The following PHRF1 variants were observed in gnomAD, a reference collection of about 807,000 sequenced individuals.
PHRF1 encodes PHD and ring finger domains 1.
A neutral mutation model predicts 128.9 loss-of-function variants in PHRF1; 53 were observed. The ratio of observed to expected loss-of-function variants is 0.41; its 90% CI spans 0.33 to 0.52. The LOEUF is 0.52. Among genes scored for constraint, PHRF1 ranks in the 20% least tolerant of loss-of-function variants. The pLI, the probability that PHRF1 is intolerant of heterozygous loss-of-function variation, is 0.21. For missense variants in PHRF1, 2,503 were observed against 2,284.5 expected (o/e 1.10, Z -1.95); for synonymous variants, 1,178 against 980.6 (o/e 1.20, Z -3.76).
At chr11:583,460 C>T (rs924873816) in intron 3 of PHRF1, among the ~76,000 whole-genome samples, 2 of 149,940 alleles carry the variant, frequency 1.3e-5, no homozygotes, top group African/African-American at 2.5e-5. Flanking sequence ...GAGGCTACAG[C>T]GAGCTGAGAT....
At chr11:599,530 C>T (rs192961551) in intron 9 of PHRF1, among the ~76,000 whole-genome samples, 20 of 152,150 alleles carry the variant, frequency 1.3e-4, no homozygotes, top group East Asian at 9.7e-4. Flanking sequence ...GGATTACAGG[C>T]CTCTGAGCCA....
intron 6 of PHRF1, among the ~76,000 whole-genome samples, chr11:595,978 G>A (rs182362829): frequency 6.6e-6 from 1 of 152,276 alleles, no homozygotes; most frequent in Non-Finnish European, 1.5e-5. Context: ...TGTCTTTCTT[G>A]TATGGCCCTA....
At chr11:593,023 A>T (rs1393076644) in intron 6 of PHRF1, among the ~76,000 whole-genome samples, 2 of 152,184 alleles carry the variant, frequency 1.3e-5, no homozygotes, top group African/African-American at 4.8e-5. Flanking sequence ...TGCGTCCATC[A>T]TTCTGGCTGC....
intron 14 of PHRF1, 147 bp downstream of exon 14, chr11:609,867 G>T (rs965957843): frequency 5.1e-5 from 31 of 612,328 alleles, no homozygotes; most frequent in Non-Finnish European, 7.6e-5. Context: ...CCTCCGCTGA[G>T]AACAGAGCCC....
intron 1 of PHRF1, among the ~76,000 whole-genome samples, chr11:580,665 G>A (rs541408932): frequency 3.3e-5 from 5 of 152,324 alleles, no homozygotes; most frequent in African/African-American, 1.2e-4. Context: ...CGTTTTGTTC[G>A]TATATGGTGT....
chr11:598,515 G>A lies in PHRF1; in HGVS notation c.1024+13G>A. ...AAGAGGAAGACAAGTAAGCCTGAAG[G>A]GATGGACTCTCCCGCCAGCCACAGG... On this transcript the variant is annotated intron_variant, in intron 9 of 17. Transcript: ENST00000264555. 2 of 1,603,634 alleles carry A rather than the reference G, an allele frequency of 1.2e-6. No homozygotes were observed. The highest frequency in any genetic ancestry group is 1.7e-6 in the Non-Finnish European group (2 of 1,177,344).
Position 597,616 on chromosome 11 carries a change from A to G in PHRF1, c.894+46A>G, listed in dbSNP as rs756473698. 6.5e-7 allele frequency: 1 copy of G among 1,527,742 alleles called. No individual in the cohort carries two copies. The highest frequency in any genetic ancestry group is 8.9e-7 in the Non-Finnish European group (1 of 1,126,504). 94.6% of individuals were successfully genotyped at this position (1,527,742 alleles called of 1,614,324 possible). On this transcript the variant is annotated intron_variant, in intron 8 of 17. Coordinates refer to ENST00000264555, the MANE Select transcript of PHRF1 (RefSeq NM_001286581.2). The surrounding 1 kb of genome is among the most constrained non-coding windows in gnomAD (Gnocchi z 6.5). ...GCCAGTCGTAGAACCCCAGCTGCCC[A>G]GAGTGATCTCGGCAGTCTGGGTGGG...
At chr11:604,467 C>T (rs1358618332) in intron 10 of PHRF1, among the ~76,000 whole-genome samples, 5 of 152,198 alleles carry the variant, frequency 3.3e-5, no homozygotes, top group East Asian at 1.9e-4. Context: ...ATAATGACAG[C>T]GCTTAAAATC....
At chr11:598,707 G>A (rs956370106) in intron 9 of PHRF1, among the ~76,000 whole-genome samples, 1 of 152,264 alleles carries the variant, frequency 6.6e-6, no homozygotes, top group African/African-American at 2.4e-5. Context: ...GCTGCCTCTG[G>A]CATTGTGTCA....
chr11:604,660 G>A (rs1047013890), intron 10 of PHRF1, among the ~76,000 whole-genome samples: 5 of 152,074 alleles, frequency 3.3e-5, no homozygotes, highest in African/African-American at 7.2e-5. Flanking sequence ...GATTACAGGC[G>A]TCCGCCACCA....
chr11:591,128 C>T (rs1310219872), intron 4 of PHRF1, among the ~76,000 whole-genome samples: 1 of 152,170 alleles, frequency 6.6e-6, no homozygotes, highest in Non-Finnish European at 1.5e-5. Flanking sequence ...GCCTGTCCTT[C>T]CTCCCTTTAT....
At chr11:598,639 A>G (rs1855446188) in intron 9 of PHRF1, 137 bp downstream of exon 9, 1 of 1,341,070 alleles carries the variant, frequency 7.5e-7, no homozygotes, top group African/African-American at 1.5e-5. Context: ...TGAAAACACT[A>G]CACAGAAGCC....
chr11:610,421 C>T (rs1856298114), intron 15 of PHRF1, 74 bp downstream of exon 15: 2 of 1,541,548 alleles, frequency 1.3e-6, no homozygotes, highest in African/African-American at 2.7e-5. Context: ...CCACACTAGG[C>T]TGGGGCTGAG....
Position 597,657 on chromosome 11 carries a change from C to T in PHRF1, c.894+87C>T, listed in dbSNP as rs1018883562. ...TCTGGGTGGGTGGGAGGGGCGTCGT[C>T]GGCACTGTGGGGTCCGCCCGGCCCC... is the stretch of plus-strand genomic sequence containing the variant. On this transcript the variant is annotated intron_variant, in intron 8 of 17. Coordinates refer to ENST00000264555, the MANE Select transcript of PHRF1 (RefSeq NM_001286581.2). The surrounding 1 kb of genome is among the most constrained non-coding windows in gnomAD (Gnocchi z 6.5). The T allele has an allele frequency of 1.1e-4, 156 of 1,475,948 alleles. No individual in the cohort carries two copies. The highest frequency in any genetic ancestry group is 1.4e-4 in the Non-Finnish European group (150 of 1,097,798). The allele number at this position is 1,475,948 out of a possible 1,614,324, so 91.4% of individuals were successfully genotyped here.
rs202209293 is a variant in PHRF1 at position 610,651 on chromosome 11, G to A, written c.4567G>A (p.Ala1523Thr). ...GAAQTLAPVP[A>T]ALTPASEPAS... ...AGCACAGACCCTGGCCCCAGTGCCC[G>A]CTGCCCTGACCCCAGCCTCAGAGCC... The change falls in exon 16 of 18, where the codon GCT becomes ACT. Residue 1523 changes from alanine to threonine, a missense_variant. Physicochemically the swap from Ala to Thr is moderately conservative, Grantham distance 58. Transcript: ENST00000264555. The A allele has an allele frequency of 6.7e-5, 108 of 1,604,290 alleles. No homozygotes were observed. The highest frequency in any genetic ancestry group is 4.7e-4 in the African/African-American group (35 of 75,044).
rs781067844 is a variant in PHRF1 at position 608,256 on chromosome 11, A to C, written c.2800A>C (p.Arg934=). The C allele has an allele frequency of 1.8e-5, 29 of 1,609,726 alleles. No individual in the cohort carries two copies. Among genetic ancestry groups the C allele is most frequent in the Non-Finnish European group, 2.5e-6 (3 of 1,179,568 alleles). The part of the protein sequence containing the change: ...ESQGLAARLR[R]PSPPEPWDEE... Reference sequence around the variant, plus strand: ...CCAGGGCCTGGCTGCCCGGCTGCGGAGGCCATCCCCCCCAGAGCCCTGGGA... The same window carrying C: ...CCAGGGCCTGGCTGCCCGGCTGCGGCGGCCATCCCCCCCAGAGCCCTGGGA... Residue 934 remains arginine (R), a synonymous_variant, in exon 14 of 18, where the codon AGG becomes CGG. Coordinates refer to ENST00000264555, the MANE Select transcript of PHRF1 (RefSeq NM_001286581.2).
chr11:599,061 C>T (rs1855473344), intron 9 of PHRF1, among the ~76,000 whole-genome samples: 1 of 152,188 alleles, frequency 6.6e-6, no homozygotes, highest in African/African-American at 2.4e-5. Context: ...CCGTGGACTG[C>T]ACCTTGTCAG....
chr11:600,171 T>G (rs2133015779), intron 9 of PHRF1, among the ~76,000 whole-genome samples: 1 of 152,038 alleles, frequency 6.6e-6, no homozygotes, highest in East Asian at 1.9e-4. Context: ...TATCTAATGG[T>G]GCACTCAGGG....
intron 4 of PHRF1, among the ~76,000 whole-genome samples, chr11:589,147 AGG>A (rs1854770762): frequency 6.6e-6 from 1 of 152,048 alleles, no homozygotes; most frequent in Non-Finnish European, 1.5e-5. Flanking sequence ...AAAAAAAAAA[AGG>A]AGAACTCTTA....
Sources: gnomAD v4.1 joint callset for allele counts (sites outside exome capture counted in the v4.1 genomes callset) on GRCh38, gnomAD v4.1.1 for gene constraint, Gnocchi (gnomAD v3.1) non-coding constraint, MANE v1.5 for transcripts, NCBI Gene and HGNC (gene_info 2026-07-23, HGNC 2026-07-21) for gene names.